Variants in LMNTD1 observed in about 807,000 individuals in gnomAD.
The protein encoded by LMNTD1 is lamin tail domain-containing protein 1.
LMNTD1 carries 35 observed loss-of-function variants against 50.9 expected under a neutral mutation model. That is an observed-to-expected ratio of 0.69 (90% CI 0.53 to 0.91). LMNTD1 has a LOEUF of 0.91. Among genes scored for constraint, LMNTD1 ranks in the 40% least tolerant of loss-of-function variants. LMNTD1 has a pLI of 0.00. For missense variants in LMNTD1, 470 were observed against 475.5 expected (o/e 0.99, Z 0.11); for synonymous variants, 153 against 161.9 (o/e 0.94, Z 0.42).
intron 6 of LMNTD1, among the ~76,000 whole-genome samples, chr12:25,521,359 G>A (rs934055335): frequency 6.6e-6 from 1 of 152,066 alleles, no homozygotes; most frequent in African/African-American, 2.4e-5. Context: ...CAGGTCTTAC[G>A]TTTAGGTCTT....
rs1414160096 is a variant in LMNTD1 at position 25,518,976 on chromosome 12, G to GA, written c.1017-10dup. ...GTGGGATTTCCTTCTCTCTGTAAAAGAAAAAAGCCTAAATGGAACTCAAAA... is the reference window on the plus strand; with the variant it reads ...GTGGGATTTCCTTCTCTCTGTAAAAGAAAAAAAGCCTAAATGGAACTCAAAA... On this transcript the variant is annotated splice_polypyrimidine_tract_variant and intron_variant, in intron 7 of 9. Coordinates refer to ENST00000458174, the MANE Select transcript of LMNTD1 (RefSeq NM_001145728.2). The GA allele has an allele frequency of 5.0e-6, 8 of 1,612,724 alleles. 1 individual carries two copies. The South Asian group carries it at 8.8e-5, about 18-fold the overall frequency.
chr12:25,615,069 G>C (rs571411544), intron 1 of LMNTD1, among the ~76,000 whole-genome samples: 1 of 152,154 alleles, frequency 6.6e-6, no homozygotes, highest in Non-Finnish European at 1.5e-5. Context: ...GGGAAAGGAC[G>C]TCAACCGATA....
chr12:25,602,547 C>T (rs1464284602), intron 1 of LMNTD1, among the ~76,000 whole-genome samples: 3 of 151,978 alleles, frequency 2.0e-5, no homozygotes, highest in African/African-American at 7.2e-5. Context: ...CTCAGACCCA[C>T]ATGAAAGAGC....
At chr12:25,559,855 T>C (rs969022765) in intron 1 of LMNTD1, among the ~76,000 whole-genome samples, 2 of 152,266 alleles carry the variant, frequency 1.3e-5, no homozygotes, top group African/African-American at 4.8e-5. Context: ...TTTTGAGAAG[T>C]GTCTGTTCAT....
At chr12:25,520,127 A>T in intron 6 of LMNTD1, 52 bp from the exon 7 acceptor site, 1 of 626,942 alleles carries the variant, frequency 1.6e-6, no homozygotes, top group Non-Finnish European at 2.7e-6. Flanking sequence ...GGTTTACAAC[A>T]TGCTGTTATG....
At chr12:25,637,191 G>A (rs1036492807) in intron 1 of LMNTD1, among the ~76,000 whole-genome samples, 3 of 152,084 alleles carry the variant, frequency 2.0e-5, no homozygotes, top group African/African-American at 7.2e-5. Flanking sequence ...AGAATTATGA[G>A]ACATTTAAAG....
chr12:25,619,250 CTCTATATATATATA>C (rs1565522574), intron 1 of LMNTD1, among the ~76,000 whole-genome samples: 1 of 79,406 alleles, frequency 1.3e-5, no homozygotes, highest in Non-Finnish European at 2.5e-5. Context: ...CTCTCTCTCT[CTCTATATATATATA>C]TATATATATA....
At chr12:25,578,272 A>T (rs1274311609) in intron 1 of LMNTD1, among the ~76,000 whole-genome samples, 1 of 152,156 alleles carries the variant, frequency 6.6e-6, no homozygotes, top group Non-Finnish European at 1.5e-5. Flanking sequence ...AGGGAGGAGG[A>T]GCAAAGGTGA....
intron 1 of LMNTD1, among the ~76,000 whole-genome samples, chr12:25,647,866 G>GT (rs1477783454): frequency 9.9e-5 from 15 of 152,202 alleles, no homozygotes; most frequent in African/African-American, 3.6e-4. Flanking sequence ...CATAGGAACT[G>GT]TCAAATAACG....
intron 1 of LMNTD1, among the ~76,000 whole-genome samples, chr12:25,608,188 G>C (rs1342494358): frequency 6.6e-6 from 1 of 152,126 alleles, no homozygotes; most frequent in Admixed American, 6.6e-5. Context: ...TTGCTTGGTA[G>C]ATCTTCCTCC....
intron 1 of LMNTD1, among the ~76,000 whole-genome samples, chr12:25,603,457 C>T (rs1946023028): frequency 6.6e-6 from 1 of 151,934 alleles, no homozygotes. Context: ...GTATATCTGA[C>T]TGTTTGTACA....
At chr12:25,642,583 G>C (rs10505961) in intron 1 of LMNTD1, among the ~76,000 whole-genome samples, 100,563 of 152,132 alleles carry the variant, frequency 0.66, 33,556 homozygotes, top group Admixed American at 0.71. Flanking sequence ...CACTCCATCT[G>C]TCTTTGGTCA....
chr12:25,584,778 TTTTCTTTTGGCCACGTGGAAA>T (rs1945449605), intron 1 of LMNTD1, among the ~76,000 whole-genome samples: 1 of 152,166 alleles, frequency 6.6e-6, no homozygotes, highest in African/African-American at 2.4e-5. Flanking sequence ...TTTGCATTTG[TTTTCTTTTGGCCACGTGGAAA>T]ATTTTCATCA....
At position 25,604,122 on chromosome 12, in the gene LMNTD1, G is replaced by T. The variant is rs185018166; in HGVS notation, c.58+44372C>A. On this transcript the variant is annotated intron_variant, in intron 1 of 7. Transcript: ENST00000445693. ...TTAAATGGTCACCTCTAGTGGCAGA[G>T]AATCTGCTTCCTCTTAAGAGTACCT... Among the ~76,000 whole-genome samples the T allele has an allele frequency of 7.7e-3, 1,175 of 152,184 alleles. 6 individuals carry two copies. Among genetic ancestry groups the T allele is most frequent in the South Asian group, 0.019 (94 of 4,824 alleles).
intron 1 of LMNTD1, among the ~76,000 whole-genome samples, chr12:25,622,463 G>GCCCCCCCCCCCCCC (rs199777995): frequency 9.0e-6 from 1 of 111,154 alleles, no homozygotes; most frequent in African/African-American, 3.0e-5. Flanking sequence ...GAGTTTGTGA[G>GCCCCCCCCCCCCCC]CCCGCCCCCC....
At chr12:25,517,856 A>G (rs1940926996) in intron 8 of LMNTD1, among the ~76,000 whole-genome samples, 1 of 151,914 alleles carries the variant, frequency 6.6e-6, no homozygotes, top group African/African-American at 2.4e-5. Context: ...TTTCCCAGTG[A>G]TGTGCTAGCA....
upstream of LMNTD1, among the ~76,000 whole-genome samples, chr12:25,555,609 TTCTTA>T (rs1255083274): frequency 6.6e-6 from 1 of 152,134 alleles, no homozygotes; most frequent in Non-Finnish European, 1.5e-5. Flanking sequence ...TTGAAAAGGG[TTCTTA>T]TCTTTTAGTG....
intron 1 of LMNTD1, among the ~76,000 whole-genome samples, chr12:25,561,553 A>G (rs566906568): frequency 6.6e-6 from 1 of 152,296 alleles, no homozygotes; most frequent in South Asian, 2.1e-4. Context: ...GGAGTGCTTT[A>G]CTTTCAACTA....
chr12:25,502,159 G>A (rs1939428808), intron 9 of LMNTD1, among the ~76,000 whole-genome samples: 1 of 152,070 alleles, frequency 6.6e-6, no homozygotes, highest in Admixed American at 6.6e-5. Context: ...AAAAACCTCT[G>A]CCAAATTGTT....
Sources: allele counts gnomAD v4.1 joint callset (sites outside exome capture counted in the v4.1 genomes callset), GRCh38; gene constraint gnomAD v4.1.1; transcripts MANE v1.5; gene names NCBI Gene and HGNC (gene_info 2026-07-23, HGNC 2026-07-21).